ITGA6: variants seen among roughly 807,000 people sequenced by gnomAD.
ITGA6 encodes the protein integrin alpha-6.
In ITGA6, 63 loss-of-function variants were observed where a neutral mutation model predicts 133.6. The observed-to-expected ratio is 0.47, with a 90% CI of 0.38 to 0.58. ITGA6 has a LOEUF of 0.58. ITGA6 is among the 20% of genes least tolerant of loss of function. The pLI is 0.00. For synonymous variants in ITGA6, 434 were observed against 482.0 expected (o/e 0.90, Z 1.30); for missense variants, 1,068 against 1,309.4 (o/e 0.82, Z 2.85).
chr2:172,497,341 T>TA (rs1281044642), intron 23 of ITGA6, among the ~76,000 whole-genome samples: 1 of 151,810 alleles, frequency 6.6e-6, no homozygotes, highest in Non-Finnish European at 1.5e-5. Flanking sequence ...AAAAAATTTT[T>TA]AAAAAAATTA....
At chr2:172,444,188 C>G (rs933304264) in intron 1 of ITGA6, among the ~76,000 whole-genome samples, 1 of 152,182 alleles carries the variant, frequency 6.6e-6, no homozygotes, top group Non-Finnish European at 1.5e-5. Context: ...CTTGAACCCA[C>G]CATTCTTGTA....
chr2:172,487,690 T>C (rs370101119), intron 16 of ITGA6, 38 bp from the exon 17 acceptor site: 53 of 1,590,162 alleles, frequency 3.3e-5, no homozygotes, highest in Non-Finnish European at 4.3e-5. Context: ...AGTGTCTGTA[T>C]GCATGGCCTG....
intron 20 of ITGA6, chr2:172,489,982 A>T (rs1270311813): frequency 7.1e-6 from 2 of 280,810 alleles, no homozygotes; most frequent in Non-Finnish European, 1.4e-5. Flanking sequence ...AGCTGCTGTT[A>T]TCCAGGGGCC....
At chr2:172,483,582 G>A (rs1405210416) in intron 11 of ITGA6, among the ~76,000 whole-genome samples, 1 of 152,138 alleles carries the variant, frequency 6.6e-6, no homozygotes, top group East Asian at 1.9e-4. Context: ...AAAGTTAGCA[G>A]CCACATCTAA....
At chr2:172,451,329 G>A (rs1454818393) in intron 1 of ITGA6, among the ~76,000 whole-genome samples, 1 of 151,684 alleles carries the variant, frequency 6.6e-6, no homozygotes, top group Non-Finnish European at 1.5e-5. Flanking sequence ...GCCTGGTGTG[G>A]TGGTGGGCAC....
At chr2:172,479,508 A>G (rs1686330789) in intron 9 of ITGA6, 133 bp from the exon 10 acceptor site, 1 of 777,692 alleles carries the variant, frequency 1.3e-6, no homozygotes, top group African/African-American at 1.7e-5. Context: ...CAATGGGGGA[A>G]AACGTCACGT....
chr2:172,475,186 T>C (rs1686115838), intron 7 of ITGA6, 64 bp downstream of exon 7: 1 of 1,138,852 alleles, frequency 8.8e-7, no homozygotes, highest in Non-Finnish European at 1.3e-6. Flanking sequence ...ATAATAGCGC[T>C]GCTGGGCACA....
chr2:172,450,899 A>C (rs1684963896), intron 1 of ITGA6, among the ~76,000 whole-genome samples: 1 of 147,096 alleles, frequency 6.8e-6, no homozygotes, highest in South Asian at 2.1e-4. Flanking sequence ...ATACAAATAT[A>C]TATTTATATT....
intron 15 of ITGA6, 42 bp from the exon 16 acceptor site, chr2:172,487,503 TGG>T (rs1431487261): frequency 6.2e-7 from 1 of 1,611,044 alleles, no homozygotes; most frequent in African/African-American, 1.3e-5. Flanking sequence ...CAACACTGTG[TGG>T]CAAATGAGTG....
chr2:172,436,824 A>G (rs948998890), intron 1 of ITGA6, among the ~76,000 whole-genome samples: 5 of 152,192 alleles, frequency 3.3e-5, no homozygotes, highest in Non-Finnish European at 7.4e-5. Flanking sequence ...ATCCCTGCCT[A>G]TGTTCTGATC....
Position 172,504,305 on chromosome 2 carries a change from C to G in ITGA6, c.*237C>G, listed in dbSNP as rs1384182071. ...AGTACCCAAACTGCTTTTTCCAACT[C>G]AGAAATTCAATTTGGATTTAAAAGC... On this transcript the variant is annotated 3_prime_UTR_variant, in exon 26 of 26. Coordinates refer to ENST00000684293, the MANE Select transcript of ITGA6 (RefSeq NM_000210.4). 5 of 1,360,440 alleles carry G rather than the reference C, an allele frequency of 3.7e-6. No homozygotes were observed. Among genetic ancestry groups the G allele is most frequent in the Non-Finnish European group, 5.0e-6 (5 of 1,003,484 alleles). 84.3% of individuals were successfully genotyped at this position (1,360,440 alleles called of 1,614,324 possible). A position where few individuals can be genotyped will look rare whatever the true frequency, so the allele number is the denominator to read the frequency against.
chr2:172,448,841 C>CA (rs560248615), intron 1 of ITGA6, among the ~76,000 whole-genome samples: 8 of 151,720 alleles, frequency 5.3e-5, no homozygotes, highest in Admixed American at 1.3e-4. Flanking sequence ...CTTAAGGTTA[C>CA]AAAAAAAAGC....
At chr2:172,499,675 T>G (rs992132988) in intron 24 of ITGA6, among the ~76,000 whole-genome samples, 2 of 152,234 alleles carry the variant, frequency 1.3e-5, no homozygotes, top group Admixed American at 1.3e-4. Flanking sequence ...AAAATTATTT[T>G]GATATCAAAA....
In ITGA6 at chr2:172,427,720, G is replaced by A. The variant is rs1683905725; in HGVS notation, c.-69G>A. 3 of 1,458,648 alleles carry A rather than the reference G, an allele frequency of 2.1e-6. No individual in the cohort carries two copies. The highest frequency in any genetic ancestry group is 2.7e-6 in the Non-Finnish European group (3 of 1,105,812). 90.4% of individuals were successfully genotyped at this position (1,458,648 alleles called of 1,614,324 possible). Reference sequence around the variant, plus strand: ...TGGCTGCGGTAGCAGCAGCGCGGCAGCCTCGGACCCAGCCCGGAGCGCAGG... The same window carrying A: ...TGGCTGCGGTAGCAGCAGCGCGGCAACCTCGGACCCAGCCCGGAGCGCAGG... On this transcript the variant is annotated 5_prime_UTR_variant, in exon 1 of 26. Transcript: ENST00000684293.
chr2:172,462,764 A>C (rs980231220), intron 1 of ITGA6, among the ~76,000 whole-genome samples: 5 of 152,194 alleles, frequency 3.3e-5, no homozygotes, highest in African/African-American at 1.2e-4. Flanking sequence ...CAGGACACCC[A>C]AAAGCAGCTG....
At chr2:172,492,849 T>C (rs1455287618) in intron 23 of ITGA6, among the ~76,000 whole-genome samples, 4 of 152,354 alleles carry the variant, frequency 2.6e-5, no homozygotes, top group Non-Finnish European at 4.4e-5. Flanking sequence ...TCCCTAATCA[T>C]TCTGTTTTCT....
chr2:172,463,289 G>A (rs1685509033), intron 1 of ITGA6, among the ~76,000 whole-genome samples: 2 of 152,182 alleles, frequency 1.3e-5, no homozygotes, highest in South Asian at 4.1e-4. Flanking sequence ...GAAGTGGTTA[G>A]GAAGACACAC....
chr2:172,441,752 G>A (rs1684554018), intron 1 of ITGA6, among the ~76,000 whole-genome samples: 1 of 152,146 alleles, frequency 6.6e-6, no homozygotes, highest in South Asian at 2.1e-4. Context: ...TGGAAAGGTA[G>A]ACCACCATCC....
In ITGA6 at chr2:172,455,946, G is replaced by A. The variant is rs75059224; in HGVS notation, c.183-9593G>A. Among the ~76,000 whole-genome samples, 456 of 152,316 alleles carry A rather than the reference G, an allele frequency of 3.0e-3. 3 individuals carry two copies. Among genetic ancestry groups the A allele is most frequent in the African/African-American group, 0.011 (439 of 41,574 alleles). ...GCAGAGGCACAGGGTTTGGATAAACGCACAAACAAGCTTTAACGCCTCCTC... is the reference window on the plus strand; with the variant it reads ...GCAGAGGCACAGGGTTTGGATAAACACACAAACAAGCTTTAACGCCTCCTC... On this transcript the variant is annotated intron_variant, in intron 1 of 25. Coordinates refer to ENST00000684293, the MANE Select transcript of ITGA6 (RefSeq NM_000210.4).
Sources: allele counts gnomAD v4.1 joint callset (sites outside exome capture counted in the v4.1 genomes callset), GRCh38; gene constraint gnomAD v4.1.1; transcripts MANE v1.5; gene names NCBI Gene and HGNC (gene_info 2026-07-23, HGNC 2026-07-21).